TNFAIP8: variants seen among roughly 807,000 people sequenced by gnomAD.
TNFAIP8 encodes tumor necrosis factor alpha-induced protein 8.
Under a neutral mutation model 13.3 loss-of-function variants are expected in TNFAIP8, and 7 were observed. The ratio of observed to expected loss-of-function variants is 0.52; its 90% CI spans 0.30 to 0.99. The LOEUF is 0.99. TNFAIP8 is among the 50% of genes least tolerant of loss of function. TNFAIP8 has a pLI of 0.07. For synonymous variants in TNFAIP8, 94 were observed against 87.6 expected (o/e 1.07, Z -0.41); for missense variants, 258 against 236.9 (o/e 1.09, Z -0.58).
At chr5:119,280,810 A>G (rs986950991) in intron 1 of TNFAIP8, among the ~76,000 whole-genome samples, 2 of 152,186 alleles carry the variant, frequency 1.3e-5, no homozygotes, top group South Asian at 2.1e-4. Context: ...GGTACAATTC[A>G]CATAGGAAAG....
At chr5:119,276,087 C>T (rs1412867405) in intron 1 of TNFAIP8, among the ~76,000 whole-genome samples, 1 of 151,598 alleles carries the variant, frequency 6.6e-6, no homozygotes, top group Non-Finnish European at 1.5e-5. Flanking sequence ...GAATTTTACG[C>T]TTTAATCAGT....
intron 1 of TNFAIP8, among the ~76,000 whole-genome samples, chr5:119,280,311 T>G (rs1748588091): frequency 2.7e-5 from 4 of 150,454 alleles, no homozygotes; most frequent in Admixed American, 6.7e-5. Flanking sequence ...CCTGACCCAC[T>G]GAGTTTTAGT....
At chr5:119,338,566 A>G (rs1248365756) in intron 1 of TNFAIP8, among the ~76,000 whole-genome samples, 1 of 152,214 alleles carries the variant, frequency 6.6e-6, no homozygotes, top group Non-Finnish European at 1.5e-5. Context: ...GCTTGAGGAA[A>G]TGGGCAAAAG....
At chr5:119,292,194 G>C (rs1749008615) in intron 1 of TNFAIP8, among the ~76,000 whole-genome samples, 1 of 152,126 alleles carries the variant, frequency 6.6e-6, no homozygotes, top group Admixed American at 6.5e-5. Context: ...AAGGACTTGA[G>C]AAGGGAAGTT....
intron 1 of TNFAIP8, among the ~76,000 whole-genome samples, chr5:119,326,241 T>C (rs530267140): frequency 1.3e-5 from 2 of 152,354 alleles, no homozygotes; most frequent in Admixed American, 6.5e-5. Context: ...TGGTTACCTC[T>C]TGGAGCCAAA....
intron 1 of TNFAIP8, among the ~76,000 whole-genome samples, chr5:119,343,835 T>C (rs1470065475): frequency 1.3e-5 from 2 of 152,050 alleles, no homozygotes; most frequent in Non-Finnish European, 2.9e-5. Flanking sequence ...GCTGAAAAAA[T>C]AGACCAGCAG....
At chr5:119,310,450 C>T (rs17145142) in intron 1 of TNFAIP8, among the ~76,000 whole-genome samples, 20,969 of 152,166 alleles carry the variant, frequency 0.14, 3,853 homozygotes, top group African/African-American at 0.42. Flanking sequence ...GCACCTCTCA[C>T]GGTAGGGACA....
At chr5:119,335,869 G>T (rs757227664) in intron 1 of TNFAIP8, among the ~76,000 whole-genome samples, 1 of 151,876 alleles carries the variant, frequency 6.6e-6, no homozygotes, top group Non-Finnish European at 1.5e-5. Context: ...GGGAAATAGG[G>T]ATTGTTGCAG....
rs771094742 is a variant in TNFAIP8, at chr5:119,271,358, G to T, written c.1+2451G>T. Among the ~76,000 whole-genome samples, 34 of 152,160 alleles carry T rather than the reference G, an allele frequency of 2.2e-4. 1 individual carries two copies. Reference sequence around the variant, plus strand: ...TGCCACAGTGCCAGGCACTGCAGAGGTCTCATATTTAATTGATCCAATTAA... The same window carrying T: ...TGCCACAGTGCCAGGCACTGCAGAGTTCTCATATTTAATTGATCCAATTAA... On this transcript the variant is annotated intron_variant, in intron 1 of 1. Coordinates refer to the TNFAIP8 transcript ENST00000274456.
chr5:119,381,113 G>C (rs1752466927), intron 1 of TNFAIP8, among the ~76,000 whole-genome samples: 1 of 152,226 alleles, frequency 6.6e-6, no homozygotes, highest in Non-Finnish European at 1.5e-5. Flanking sequence ...CAATCCTGGA[G>C]ATTCTGATTC....
At chr5:119,378,030 C>T (rs943034468) in intron 1 of TNFAIP8, among the ~76,000 whole-genome samples, 9 of 152,288 alleles carry the variant, frequency 5.9e-5, no homozygotes, top group Middle Eastern at 6.8e-3. Flanking sequence ...CATATGAGAA[C>T]GTGGGCCCAT....
chr5:119,392,697 A>G, intron 1 of TNFAIP8, 119 bp from the exon 2 acceptor site: 1 of 1,241,056 alleles, frequency 8.1e-7, no homozygotes, highest in Non-Finnish European at 1.1e-6. Context: ...GATGTAAGAC[A>G]AACCACAAAT....
chr5:119,346,057 T>C (rs1750891749), intron 1 of TNFAIP8, among the ~76,000 whole-genome samples: 1 of 152,138 alleles, frequency 6.6e-6, no homozygotes, highest in Admixed American at 6.5e-5. Context: ...CACATGCTTC[T>C]CTCTGCTCCA....
intron 1 of TNFAIP8, among the ~76,000 whole-genome samples, chr5:119,357,224 GGTTT>G (rs1751464385): frequency 6.6e-6 from 1 of 152,162 alleles, no homozygotes; most frequent in Admixed American, 6.5e-5. Context: ...ATAAAAAGGA[GGTTT>G]GTTTAATAGA....
chr5:119,292,038 G>C (rs1749004769), intron 1 of TNFAIP8, among the ~76,000 whole-genome samples: 1 of 152,166 alleles, frequency 6.6e-6, no homozygotes, highest in East Asian at 1.9e-4. Context: ...CACCGGGAGA[G>C]GACCGGAAGC....
intron 1 of TNFAIP8, among the ~76,000 whole-genome samples, chr5:119,387,612 CT>C (rs567890233): frequency 9.9e-5 from 15 of 152,014 alleles, no homozygotes; most frequent in African/African-American, 2.2e-4. Flanking sequence ...TAACAAAGGA[CT>C]TTTTTTTCCT....
At chr5:119,341,610 G>A (rs540047395) in intron 1 of TNFAIP8, among the ~76,000 whole-genome samples, 10 of 152,252 alleles carry the variant, frequency 6.6e-5, no homozygotes, top group Middle Eastern at 3.4e-3. Flanking sequence ...TGCCTTAGAT[G>A]AGAAGACTGG....
At chr5:119,358,928 C>G (rs938782902) in intron 1 of TNFAIP8, among the ~76,000 whole-genome samples, 4 of 152,154 alleles carry the variant, frequency 2.6e-5, no homozygotes, top group Non-Finnish European at 5.9e-5. Flanking sequence ...GTGAGTGAGT[C>G]TGGCTCGCTC....
At chr5:119,351,448 T>A (rs1751139978), upstream of TNFAIP8, among the ~76,000 whole-genome samples, 1 of 152,162 alleles carries the variant, frequency 6.6e-6, no homozygotes, top group Non-Finnish European at 1.5e-5. Context: ...CCTGAGATAG[T>A]CAACATTTTA....
Sources: allele counts gnomAD v4.1 joint callset (sites outside exome capture counted in the v4.1 genomes callset), GRCh38; gene constraint gnomAD v4.1.1; transcripts MANE v1.5; gene names NCBI Gene and HGNC (gene_info 2026-07-23, HGNC 2026-07-21).